Variants in APOL5 observed in about 807,000 individuals in gnomAD.
APOL5 encodes the protein apolipoprotein L, 5.
A neutral mutation model predicts 35.5 loss-of-function variants in APOL5; 29 were observed. The observed-to-expected ratio is 0.82, with a 90% CI of 0.61 to 1.11. APOL5 has a LOEUF of 1.11. Ranked by LOEUF, APOL5 falls within the 50% of genes most tolerant of loss-of-function variation. The probability of loss-of-function intolerance (pLI) is 0.00; values close to 1 mark genes in which losing one functional copy is unlikely to be tolerated. For synonymous variants in APOL5, 188 were observed against 200.2 expected (o/e 0.94, Z 0.51); for missense variants, 514 against 530.4 (o/e 0.97, Z 0.30).
chr22:35,719,501 T>C (rs1354680736), intron 1 of APOL5, among the ~76,000 whole-genome samples: 2 of 152,246 alleles, frequency 1.3e-5, no homozygotes, highest in Non-Finnish European at 2.9e-5. Flanking sequence ...TTAAAAATGT[T>C]ATCAATTAAC....
chr22:35,718,135 T>TTGTAAAGTTTAACTAAAAA (rs542452447), intron 1 of APOL5, among the ~76,000 whole-genome samples: 2 of 152,212 alleles, frequency 1.3e-5, no homozygotes, highest in African/African-American at 2.4e-5. Context: ...ATAACTTCCT[T>TTGTAAAGTTTAACTAAAAA]TGTAAAGTTT....
chr22:35,712,076 G>A, the APOL5 span, among the ~76,000 whole-genome samples: 3 of 152,176 alleles, frequency 2.0e-5, no homozygotes, highest in South Asian at 2.1e-4. Flanking sequence ...GTGCTATCAT[G>A]GCTCACTGCA....
chr22:35,717,753 AG>A (rs71191391), upstream of APOL5: 661 of 350,650 alleles, frequency 1.9e-3, 18 homozygotes, highest in African/African-American at 3.5e-3. Context: ...AAAAAAAAAA[AG>A]AAAGAAAAGA....
chr22:35,728,870 G>A lies in APOL5; in HGVS notation c.1274G>A (p.Arg425Lys). ...PAPPAPARKG[R>K]QAPGRHRQ The stretch of plus-strand genomic sequence containing the variant: ...CCACCAGCACCAGCAAGAAAGGGGA[G>A]ACAGGCCCCGGGAAGACACCGACAA... Residue 425 changes from arginine to lysine, a missense_variant, in exon 4 of 5, where the codon AGA becomes AAA. Physicochemically the swap from Arg to Lys is conservative, Grantham distance 26 (BLOSUM62 2). This residue lies in a region of APOL5 where 238 missense variants were observed against 229.1 expected (regional missense o/e 1.04). Transcript: ENST00000249044. The A allele has an allele frequency of 6.2e-7, 1 of 1,609,504 alleles. No homozygotes were observed. The highest frequency in any genetic ancestry group is 8.5e-7 in the Non-Finnish European group (1 of 1,178,074).
In APOL5 at chr22:35,726,263, T is replaced by G; in HGVS notation, c.195T>G (p.Thr65=). The part of the protein sequence containing the change: ...QSWKINNLMS[T]VHSDEAGMLS... ...GGAAAATTAACAATTTGATGTCAAC[T>G]GTCCACAGTGATGAGGCTGGTATGC... Residue 65 remains threonine, a synonymous_variant, in exon 3 of 5, where the codon ACT becomes ACG. Transcript: ENST00000249044. The G allele has an allele frequency of 5.6e-6, 9 of 1,613,764 alleles. No homozygotes were observed. Among genetic ancestry groups the G allele is most frequent in the Non-Finnish European group, 7.6e-6 (9 of 1,179,652 alleles).
chr22:35,711,391 G>C, the APOL5 span, among the ~76,000 whole-genome samples: 1 of 151,982 alleles, frequency 6.6e-6, no homozygotes, highest in African/African-American at 2.4e-5. Context: ...ATTCTCTTGG[G>C]TATATATATA....
the APOL5 span, among the ~76,000 whole-genome samples, chr22:35,710,629 T>C: frequency 6.6e-6 from 1 of 152,190 alleles, no homozygotes; most frequent in African/African-American, 2.4e-5. Context: ...TGTGCAGCCA[T>C]GGCCACCAAC....
At chr22:35,720,360 C>A (rs1319914545) in intron 1 of APOL5, among the ~76,000 whole-genome samples, 1 of 152,236 alleles carries the variant, frequency 6.6e-6, no homozygotes, top group African/African-American at 2.4e-5. Flanking sequence ...TCCTAGTCAA[C>A]CTTGGGCATT....
At chr22:35,724,817 G>A (rs1927094032) in intron 2 of APOL5, among the ~76,000 whole-genome samples, 1 of 152,176 alleles carries the variant, frequency 6.6e-6, no homozygotes. Context: ...CACCAAGTTG[G>A]TCAGGCTGGT....
chr22:35,726,100 A>G, intron 2 of APOL5, 111 bp from the exon 3 acceptor site: 1 of 1,278,558 alleles, frequency 7.8e-7, no homozygotes, highest in Non-Finnish European at 1.1e-6. Flanking sequence ...CACTGCTGTA[A>G]TTTCCCCACT....
At chr22:35,718,049 T>A in intron 1 of APOL5, 123 bp downstream of exon 1, 1 of 674,064 alleles carries the variant, frequency 1.5e-6, no homozygotes, top group Non-Finnish European at 2.2e-6. Flanking sequence ...GGTGGAGATA[T>A]AGCAGATCCT....
chr22:35,718,028 T>C (rs531829744), intron 1 of APOL5, 102 bp downstream of exon 1: 3 of 880,140 alleles, frequency 3.4e-6, no homozygotes, highest in Admixed American at 6.6e-5. Context: ...ACCCACCATA[T>C]GCTATTGCTG....
At chr22:35,716,425 A>G (rs900813001), upstream of APOL5, among the ~76,000 whole-genome samples, 34 of 152,154 alleles carry the variant, frequency 2.2e-4, no homozygotes, top group African/African-American at 8.2e-4. Flanking sequence ...GGTGCCCACC[A>G]CCACGCCTGG....
chr22:35,720,891 G>A (rs994181596), intron 2 of APOL5, among the ~76,000 whole-genome samples: 11 of 152,032 alleles, frequency 7.2e-5, no homozygotes, highest in African/African-American at 2.2e-4. Flanking sequence ...GATTACAGGC[G>A]CCCGCCACCA....
chr22:35,724,507 G>A (rs1287115745), intron 2 of APOL5, among the ~76,000 whole-genome samples: 1 of 151,992 alleles, frequency 6.6e-6, no homozygotes, highest in Admixed American at 6.6e-5. Flanking sequence ...ATGCATGTAT[G>A]TATATCTTTA....
At chr22:35,728,668 C>T in intron 3 of APOL5, 55 bp from the exon 4 acceptor site, 1 of 1,577,216 alleles carries the variant, frequency 6.3e-7, no homozygotes, top group Non-Finnish European at 8.6e-7. Context: ...TCTGAACGTC[C>T]AGGGGCAGAT....
intron 1 of APOL5, among the ~76,000 whole-genome samples, chr22:35,719,727 C>T (rs1354673241): frequency 1.0e-5 from 1 of 95,314 alleles, no homozygotes; most frequent in East Asian, 3.4e-4. Flanking sequence ...CACAGCAGCC[C>T]CATCTAGGGT....
rs373374602 is a variant in APOL5, at chr22:35,724,632, G to A, written c.143-1579G>A. On this transcript the variant is annotated intron_variant, in intron 2 of 4. Transcript: ENST00000249044. ...TTATTTTATTTTATTTTTTTGAGAC[G>A]GAGTTTCACTCTGTTGCCCAGGCTG... Among the ~76,000 whole-genome samples, 23 of 151,516 alleles carry A rather than the reference G, an allele frequency of 1.5e-4. 1 individual carries two copies. The highest frequency in any genetic ancestry group is 3.9e-4 in the Admixed American group (6 of 15,236).
intron 1 of APOL5, among the ~76,000 whole-genome samples, chr22:35,718,748 A>G (rs954455884): frequency 1.3e-5 from 2 of 152,026 alleles, no homozygotes; most frequent in Non-Finnish European, 2.9e-5. Context: ...ATACTTGTAT[A>G]ACATTACATT....
Sources: allele counts gnomAD v4.1 joint callset (sites outside exome capture counted in the v4.1 genomes callset), GRCh38; gene constraint gnomAD v4.1.1; regional missense constraint gnomAD v4.1.1; transcripts MANE v1.5; gene names NCBI Gene and HGNC (gene_info 2026-07-23, HGNC 2026-07-21).